ZC3H13: variants seen among roughly 807,000 people sequenced by gnomAD.
The protein encoded by ZC3H13 is zinc finger CCCH-type containing 13.
ZC3H13 carries 64 observed loss-of-function variants against 204.1 expected under a neutral mutation model. The ratio of observed to expected loss-of-function variants is 0.31; its 90% confidence interval spans 0.26 to 0.39. ZC3H13 has a LOEUF of 0.39. Ranked by LOEUF, ZC3H13 falls within the 10% of genes least tolerant of loss-of-function variation. ZC3H13 has a pLI of 1.00. For synonymous variants in ZC3H13, 667 were observed against 693.7 expected (o/e 0.96, Z 0.60); for missense variants, 1,833 against 2,082.7 (o/e 0.88, Z 2.33).
chr13:45,966,248 C>T (rs1952075544), intron 15 of ZC3H13, among the ~76,000 whole-genome samples: 2 of 152,048 alleles, frequency 1.3e-5, no homozygotes. Flanking sequence ...CAAAATGTAA[C>T]CATATGCTTT....
intron 3 of ZC3H13, among the ~76,000 whole-genome samples, chr13:46,044,403 T>C (rs1441736848): frequency 6.6e-6 from 1 of 152,038 alleles, no homozygotes; most frequent in Non-Finnish European, 1.5e-5. Context: ...TTAAGCAAGT[T>C]TAATCTAGCC....
chr13:45,997,638 T>G (rs1042309960), intron 8 of ZC3H13, among the ~76,000 whole-genome samples: 1 of 152,136 alleles, frequency 6.6e-6, no homozygotes, highest in Admixed American at 6.5e-5. Flanking sequence ...ATTTTTGAAT[T>G]TGGACAACTG....
intron 15 of ZC3H13, 52 bp from the exon 16 acceptor site, chr13:45,965,484 G>C (rs1332311065): frequency 1.3e-6 from 2 of 1,588,026 alleles, no homozygotes; most frequent in African/African-American, 2.7e-5. Context: ...GGGAGAGGAT[G>C]ACTAAGTCAA....
chr13:45,969,615 T>C lies in ZC3H13; in HGVS notation c.2929A>G (p.Ile977Val), dbSNP rs750380657. Residue 977 changes from isoleucine to valine, a missense_variant, in exon 14 of 19, where the codon ATA becomes GTA. Coordinates refer to ENST00000679008, the MANE Select transcript of ZC3H13 (RefSeq NM_001330564.2). Reference protein sequence around the residue: ...IKKKKEDDVGIERGNIETTSE... With the variant: ...IKKKKEDDVGVERGNIETTSE... ...GTTGTCTCTATGTTACCCCTCTCTATTCCAACATCATCCTCTTTCTTTTTC... is the reference window on the plus strand; with the variant it reads ...GTTGTCTCTATGTTACCCCTCTCTACTCCAACATCATCCTCTTTCTTTTTC... The C allele has an allele frequency of 3.7e-6, 6 of 1,611,028 alleles. No homozygotes were observed. In the East Asian group the frequency reaches 1.3e-4, roughly 36 times the overall value.
Position 45,959,632 on chromosome 13 carries a change from A to G in ZC3H13, c.4690T>C (p.Phe1564Leu), listed in dbSNP as rs1301483261. ...LEKPKDADNLFEHELGALNMA... is the reference protein window; with the variant it reads ...LEKPKDADNLLEHELGALNMA... ...TTGAGAGCCCCCAATTCATGTTCAAAGAGATTGTCTGCATCTTTCAAAAAA... is the reference window on the plus strand; with the variant it reads ...TTGAGAGCCCCCAATTCATGTTCAAGGAGATTGTCTGCATCTTTCAAAAAA... Residue 1564 changes from phenylalanine (F) to leucine (L), a missense_variant, in exon 18 of 19, where the codon TTT (phenylalanine) becomes CTT (leucine). This residue lies in a region of ZC3H13 where 211 missense variants were observed against 228.4 expected (regional missense o/e 0.92). Transcript: ENST00000679008. 14 of 1,528,958 alleles carry G rather than the reference A, an allele frequency of 9.2e-6. No individual in the cohort carries two copies. The South Asian group carries it at 1.7e-4, about 19-fold the overall frequency. 94.7% of individuals were successfully genotyped at this position (1,528,958 alleles called of 1,614,324 possible).
In ZC3H13 at chr13:45,959,669, C is replaced by A. The variant is rs1025098351; in HGVS notation, c.4676-23G>T. On this transcript the variant is annotated intron_variant, in intron 17 of 18. Transcript: ENST00000679008. ...CATCTTTCAAAAAAAAGTAAACATG[C>A]ATTAAGTTTTACTAAAATAGAAAAG... 6.7e-6 allele frequency: 10 copies of A among 1,498,382 alleles called. No individual in the cohort carries two copies. The East Asian group carries it at 1.8e-4, about 27-fold the overall frequency. 92.8% of individuals were successfully genotyped at this position (1,498,382 alleles called of 1,614,324 possible).
intron 4 of ZC3H13, among the ~76,000 whole-genome samples, chr13:46,023,083 A>T (rs930191695): frequency 6.6e-6 from 1 of 152,206 alleles, no homozygotes; most frequent in African/African-American, 2.4e-5. Context: ...AGAATATGAA[A>T]TAGGAAGTGT....
In ZC3H13 at chr13:45,967,729, A is replaced by T; in HGVS notation, c.4096T>A (p.Ser1366Thr). The T allele has an allele frequency of 6.2e-7, 1 of 1,613,674 alleles. No homozygotes were observed. Among genetic ancestry groups the T allele is most frequent in the East Asian group, 2.2e-5 (1 of 44,822 alleles). The change falls in exon 15 of 19, where the codon TCT becomes ACT. Residue 1366 changes from serine (S) to threonine (T), a missense_variant. This residue lies in a region of ZC3H13 where 1,574 missense variants were observed against 1,757.2 expected (regional missense o/e 0.90). Transcript: ENST00000679008. ...TCTCTGTCCCTGTCCCTTTCAACAG[A>T]ATCAGAAATTAGTCTCTCTCTTTCC... ...DRERERLISD[S>T]VERDRDRDRD...
chr13:46,042,004 T>A (rs978314703), intron 4 of ZC3H13, among the ~76,000 whole-genome samples, 160 bp downstream of exon 4: 8 of 151,998 alleles, frequency 5.3e-5, no homozygotes, highest in African/African-American at 1.2e-4. Flanking sequence ...ATCACAGTTT[T>A]CCCAGGGGAC....
intron 8 of ZC3H13, among the ~76,000 whole-genome samples, chr13:45,999,045 C>T (rs2040553006): frequency 6.6e-6 from 1 of 152,166 alleles, no homozygotes; most frequent in Admixed American, 6.6e-5. Flanking sequence ...CAAGATCAGT[C>T]TGGACAACAT....
intron 12 of ZC3H13, among the ~76,000 whole-genome samples, chr13:45,970,923 G>A (rs541642461): frequency 3.7e-4 from 56 of 152,122 alleles, no homozygotes; most frequent in Admixed American, 9.2e-4. Context: ...TAGTTATTAC[G>A]CAGCCTTAAG....
intron 11 of ZC3H13, among the ~76,000 whole-genome samples, chr13:45,978,802 A>AT: frequency 6.6e-6 from 1 of 152,092 alleles, no homozygotes; most frequent in Non-Finnish European, 1.5e-5. Flanking sequence ...AAAATTTCAG[A>AT]TATCAACACA....
At chr13:46,048,342 C>T (rs1593843806) in intron 1 of ZC3H13, among the ~76,000 whole-genome samples, 1 of 152,170 alleles carries the variant, frequency 6.6e-6, no homozygotes, top group East Asian at 1.9e-4. Flanking sequence ...CTTTGGGAGG[C>T]CGAGGCGGGC....
intron 14 of ZC3H13, among the ~76,000 whole-genome samples, chr13:45,968,322 C>G (rs1326082185): frequency 6.6e-6 from 1 of 151,218 alleles, no homozygotes; most frequent in African/African-American, 2.4e-5. Flanking sequence ...AAATATCTTC[C>G]AAGAAGTACA....
chr13:46,002,174 A>G (rs968318773), intron 8 of ZC3H13, among the ~76,000 whole-genome samples: 1 of 152,196 alleles, frequency 6.6e-6, no homozygotes, highest in African/African-American at 2.4e-5. Context: ...GCTAATCATC[A>G]GAGAAATGCA....
intron 17 of ZC3H13, among the ~76,000 whole-genome samples, chr13:45,960,168 G>C (rs971090290): frequency 1.4e-4 from 21 of 152,052 alleles, no homozygotes; most frequent in African/African-American, 4.8e-4. Context: ...TGTTGGCCAG[G>C]CTAGTCTTGA....
intron 14 of ZC3H13, among the ~76,000 whole-genome samples, chr13:45,968,432 C>T (rs565849390): frequency 2.6e-5 from 4 of 152,102 alleles, no homozygotes; most frequent in African/African-American, 7.2e-5. Flanking sequence ...GCCTTGACTG[C>T]ATGAAGAATA....
chr13:45,959,975 A>C (rs1174528859), intron 17 of ZC3H13, among the ~76,000 whole-genome samples: 2 of 152,010 alleles, frequency 1.3e-5, no homozygotes, highest in African/African-American at 4.8e-5. Context: ...TTTTTGAGAT[A>C]AAGTATCTCT....
intron 8 of ZC3H13, among the ~76,000 whole-genome samples, chr13:45,997,981 T>C: frequency 6.6e-6 from 1 of 152,218 alleles, no homozygotes; most frequent in East Asian, 1.9e-4. Context: ...ATACCAGCTT[T>C]AGAACAGGTA....
Sources: gnomAD v4.1 joint callset for allele counts (sites outside exome capture counted in the v4.1 genomes callset) on GRCh38, gnomAD v4.1.1 for gene constraint, gnomAD v4.1.1 regional missense constraint, MANE v1.5 for transcripts, NCBI Gene and HGNC (gene_info 2026-07-23, HGNC 2026-07-21) for gene names.